The following LIPA variants were observed in gnomAD, a reference collection of about 807,000 sequenced individuals.
LIPA encodes the protein lipase A, lysosomal acid type.
In LIPA, 26 loss-of-function variants were observed where a neutral mutation model predicts 40.6. The ratio of observed to expected loss-of-function variants is 0.64; its 90% confidence interval spans 0.47 to 0.89. The LOEUF (loss-of-function observed/expected upper bound fraction) is 0.89. Among genes scored for constraint, LIPA ranks in the 40% least tolerant of loss-of-function variants. LIPA has a pLI of 0.00. For synonymous variants in LIPA, 188 were observed against 168.4 expected (o/e 1.12, Z -0.90); for missense variants, 455 against 479.6 (o/e 0.95, Z 0.48).
At chr10:89,224,468 CA>C (rs1166410254) in intron 6 of LIPA, among the ~76,000 whole-genome samples, 10 of 152,144 alleles carry the variant, frequency 6.6e-5, no homozygotes. Context: ...TATTTCTATA[CA>C]GGATTTCATA....
chr10:89,221,989 CTG>C (rs1285710944), intron 8 of LIPA, among the ~76,000 whole-genome samples: 1 of 152,118 alleles, frequency 6.6e-6, no homozygotes, highest in Non-Finnish European at 1.5e-5. Flanking sequence ...ATAATCAAAA[CTG>C]TATTTCAAAA....
chr10:89,222,705 G>C, intron 7 of LIPA, 123 bp from the exon 8 acceptor site: 2 of 721,994 alleles, frequency 2.8e-6, no homozygotes, highest in Non-Finnish European at 5.0e-6. Context: ...TATGTGAGAT[G>C]AGAGGTAGAA....
intron 3 of LIPA, among the ~76,000 whole-genome samples, chr10:89,230,674 C>T (rs1379480730): frequency 6.6e-6 from 1 of 152,164 alleles, no homozygotes; most frequent in Non-Finnish European, 1.5e-5. Context: ...TCTAACATGA[C>T]ACCTTGGGGA....
At chr10:89,249,458 T>A (rs1843082515) in intron 1 of LIPA, among the ~76,000 whole-genome samples, 1 of 152,204 alleles carries the variant, frequency 6.6e-6, no homozygotes, top group African/African-American at 2.4e-5. Flanking sequence ...TGTACATAAA[T>A]GTTTATAACA....
chr10:89,311,524 CAAAA>C (rs36010336), intron 1 of LIPA, among the ~76,000 whole-genome samples: 1 of 73,710 alleles, frequency 1.4e-5, no homozygotes, highest in Non-Finnish European at 2.8e-5. Flanking sequence ...GACCCTGTCT[CAAAA>C]AAAAAAAAAA....
At chr10:89,275,930 T>C (rs770507495) in intron 1 of LIPA, among the ~76,000 whole-genome samples, 1 of 152,226 alleles carries the variant, frequency 6.6e-6, no homozygotes, top group Admixed American at 6.5e-5. Context: ...TATGTTATGA[T>C]TGCATCTATT....
chr10:89,308,622 G>A (rs751436778), intron 1 of LIPA: 5 of 152,206 alleles, frequency 3.3e-5, no homozygotes, highest in Non-Finnish European at 7.3e-5. Context: ...CAAAGTTGGT[G>A]TGAACCAAAA....
intron 1 of LIPA, among the ~76,000 whole-genome samples, chr10:89,322,103 A>G (rs1262621521): frequency 1.2e-4 from 18 of 152,178 alleles, no homozygotes; most frequent in Non-Finnish European, 1.5e-5. Context: ...TAGCATTAGG[A>G]GATATACCTA....
At chr10:89,314,857 A>G (rs1021676214) in intron 1 of LIPA, among the ~76,000 whole-genome samples, 1 of 152,228 alleles carries the variant, frequency 6.6e-6, no homozygotes, top group Non-Finnish European at 1.5e-5. Context: ...ATAAGAATCT[A>G]TTGCATTCTG....
chr10:89,365,715 C>T (rs577045975), intron 2 of LIPA, among the ~76,000 whole-genome samples: 1 of 152,250 alleles, frequency 6.6e-6, no homozygotes, highest in East Asian at 1.9e-4. Context: ...GGAATCCTTT[C>T]CCCATTGCTT....
intron 2 of LIPA, among the ~76,000 whole-genome samples, chr10:89,354,399 C>A (rs932096949): frequency 1.3e-5 from 2 of 152,162 alleles, no homozygotes; most frequent in African/African-American, 4.8e-5. Context: ...CTCCTAAGGG[C>A]AATGTCATGG....
intron 2 of LIPA, among the ~76,000 whole-genome samples, chr10:89,368,852 C>T (rs1230653770): frequency 6.6e-6 from 1 of 151,804 alleles, no homozygotes; most frequent in African/African-American, 2.4e-5. Context: ...ACCCCCAGAC[C>T]ATCACTTTAA....
chr10:89,248,448 ATTTATTTATTTATT>A (rs1843065409), intron 1 of LIPA, among the ~76,000 whole-genome samples: 7 of 68,238 alleles, frequency 1.0e-4, no homozygotes, highest in African/African-American at 9.8e-5. Flanking sequence ...TTTTATATTT[ATTTATTTATTTATT>A]TATTTATTTA....
rs1167370163 is a variant in LIPA, at chr10:89,214,932, G to A, written c.1096C>T (p.His366Tyr). 9.3e-6 allele frequency: 15 copies of A among 1,613,930 alleles called. No individual in the cohort carries two copies. The highest frequency in any genetic ancestry group is 8.5e-7 in the Non-Finnish European group (1 of 1,179,938). Reference sequence around the variant, plus strand: ...TGCTCCCATTCCGGAATGCTCTCATGGAACACCAAGTTGGTGATCTGAGTC... The same window carrying A: ...TGCTCCCATTCCGGAATGCTCTCATAGAACACCAAGTTGGTGATCTGAGTC... ...LLTQITNLVF[H>Y]ESIPEWEHLD... Residue 366 changes from histidine (H) to tyrosine (Y), a missense_variant, in exon 10 of 10, where the codon CAT becomes TAT. Physicochemically the swap from His to Tyr is moderately conservative, Grantham distance 83. Transcript: ENST00000336233.
chr10:89,233,073 T>C (rs554325476), intron 3 of LIPA, among the ~76,000 whole-genome samples: 25 of 152,382 alleles, frequency 1.6e-4, no homozygotes, highest in Non-Finnish European at 3.1e-4. Context: ...GGAATTACTT[T>C]ATCCTTTGAA....
rs768315767 is a variant in LIPA at position 89,339,497 on chromosome 10, T to G, written c.-2+3114A>C. The G allele has an allele frequency of 5.3e-5, 86 of 1,614,008 alleles. No homozygotes were observed. The Admixed American group carries it at 1.4e-3, about 27-fold the overall frequency. ...AACAATGGCTACCTCTATCACCAGA[T>G]TGGGTGCTGCTACAAGGCAAAAGTA... On this transcript the variant is annotated intron_variant, in intron 1 of 5. Coordinates refer to the LIPA transcript ENST00000282673.
At position 89,228,360 on chromosome 10, in the gene LIPA, C is replaced by T. The variant is rs1328526236; in HGVS notation, c.268G>A (p.Ala90Thr). ...TTTGTGACCCAGTTACTAGAATCTG[C>T]CAGCAAGCCATGTTGCAGGAAGACA... ...PVVFLQHGLL[A>T]DSSNWVTNLA... The change falls in exon 4 of 10, where the codon GCA becomes ACA. Residue 90 changes from alanine (A) to threonine (T), a missense_variant. Physicochemically the swap from Ala to Thr is moderately conservative, Grantham distance 58 (BLOSUM62 0). Transcript: ENST00000336233. 2 of 1,614,158 alleles carry T rather than the reference C, an allele frequency of 1.2e-6. No homozygotes were observed. The highest frequency in any genetic ancestry group is 2.7e-5 in the African/African-American group (2 of 75,028).
chr10:89,218,552 T>C (rs1223417137), intron 8 of LIPA, among the ~76,000 whole-genome samples: 5 of 152,220 alleles, frequency 3.3e-5, no homozygotes, highest in Non-Finnish European at 5.9e-5. Flanking sequence ...CTCATCCTCC[T>C]GCGAGCAGCC....
At chr10:89,384,956 T>G (rs1367730527) in intron 2 of LIPA, 1 of 520,952 alleles carries the variant, frequency 1.9e-6, no homozygotes, top group African/African-American at 1.9e-5. Flanking sequence ...TAAGACCCCC[T>G]GAAAGTATCA....
Sources: gnomAD v4.1 joint callset for allele counts (sites outside exome capture counted in the v4.1 genomes callset) on GRCh38, gnomAD v4.1.1 for gene constraint, MANE v1.5 for transcripts, NCBI Gene and HGNC (gene_info 2026-07-23, HGNC 2026-07-21) for gene names.